Variants in KALRN observed in about 807,000 individuals in gnomAD.
The protein encoded by KALRN is kalirin RhoGEF kinase, also known as kalirin.
KALRN carries 70 observed loss-of-function variants against 353.7 expected under a neutral mutation model. That is an observed-to-expected ratio of 0.20 (90% CI 0.16 to 0.24). The LOEUF (loss-of-function observed/expected upper bound fraction) is 0.24. KALRN is among the 10% of genes least tolerant of loss of function. KALRN has a pLI of 1.00. For synonymous variants in KALRN, 1,391 were observed against 1,434.8 expected (o/e 0.97, Z 0.69); for missense variants, 2,791 against 3,756.7 (o/e 0.74, Z 6.72).
intron 36 of KALRN, among the ~76,000 whole-genome samples, chr3:124,636,364 A>ACC (rs2081351111): frequency 6.6e-6 from 1 of 152,144 alleles, no homozygotes; most frequent in African/African-American, 2.4e-5. Flanking sequence ...CAAACAAAAA[A>ACC]CCACCATCCT....
In KALRN at chr3:124,669,984, T is replaced by G. The variant is rs536508848; in HGVS notation, c.6704-1676T>G. Among the ~76,000 whole-genome samples the G allele has an allele frequency of 1.5e-3, 224 of 149,248 alleles. 1 individual carries two copies. The highest frequency in any genetic ancestry group is 5.7e-3 in the African/African-American group (223 of 39,000). Reference sequence around the variant, plus strand: ...TTTTCTTTTTTTTTTTTTTTTCTTTTTTTGAGACAGAGTCTCGCTCTGTCG... The same window carrying G: ...TTTTCTTTTTTTTTTTTTTTTCTTTGTTTGAGACAGAGTCTCGCTCTGTCG... On this transcript the variant is annotated intron_variant, in intron 47 of 59. Coordinates refer to ENST00000682506, the MANE Select transcript of KALRN (RefSeq NM_001388419.1).
intron 11 of KALRN, among the ~76,000 whole-genome samples, chr3:124,388,512 A>G (rs2088795453): frequency 6.6e-6 from 1 of 152,204 alleles, no homozygotes; most frequent in Non-Finnish European, 1.5e-5. Flanking sequence ...TGTGTCTGAT[A>G]CACAGAGGTG....
At chr3:124,149,336 A>G (rs1205187785) in intron 1 of KALRN, among the ~76,000 whole-genome samples, 9 of 152,190 alleles carry the variant, frequency 5.9e-5, no homozygotes, top group Admixed American at 1.3e-4. Flanking sequence ...CATTGAAACC[A>G]TTGCTACAAG....
In KALRN at chr3:124,462,525, C is replaced by T. The variant is rs760043740; in HGVS notation, c.3923C>T (p.Thr1308Ile). ...YVRDLHECLETYLWEMTSGVE... is the reference protein window; with the variant it reads ...YVRDLHECLEIYLWEMTSGVE... ...GATGAAACTGTTACTGTCTTACAGA[C>T]CTACCTGTGGGAAATGACCAGTGGT... The change falls in exon 25 of 60, where the codon ACC becomes ATC. Residue 1308 changes from threonine (T) to isoleucine (I), a missense_variant and splice_region_variant. By Grantham distance (89) the Thr-to-Ile change is moderately conservative. Transcript: ENST00000682506. 1.3e-6 allele frequency: 2 copies of T among 1,585,928 alleles called. No individual in the cohort carries two copies. Among genetic ancestry groups the T allele is most frequent in the Admixed American group, 3.3e-5 (2 of 59,936 alleles).
At chr3:124,613,498 C>T (rs1206619362) in intron 34 of KALRN, among the ~76,000 whole-genome samples, 1 of 152,196 alleles carries the variant, frequency 6.6e-6, no homozygotes, top group Non-Finnish European at 1.5e-5. Flanking sequence ...TGCCCAAAGG[C>T]AGGGGATGCT....
intron 1 of KALRN, among the ~76,000 whole-genome samples, chr3:124,047,153 CTCT>C (rs1298089102): frequency 6.6e-6 from 1 of 152,102 alleles, no homozygotes; most frequent in African/African-American, 2.4e-5. Context: ...TAAATATTCA[CTCT>C]TCTTTTAGAA....
At chr3:124,480,355 T>C (rs998566349) in intron 27 of KALRN, among the ~76,000 whole-genome samples, 1 of 152,200 alleles carries the variant, frequency 6.6e-6, no homozygotes, top group Non-Finnish European at 1.5e-5. Context: ...TGATAGGCAT[T>C]GGAATAATTT....
At chr3:124,125,714 A>G (rs551735841) in intron 1 of KALRN, among the ~76,000 whole-genome samples, 2 of 152,362 alleles carry the variant, frequency 1.3e-5, no homozygotes, top group East Asian at 1.9e-4. Flanking sequence ...GTGGCCCACA[A>G]AAAGTAAAAT....
chr3:124,136,919 G>A (rs2065987468), intron 1 of KALRN, among the ~76,000 whole-genome samples: 5 of 152,322 alleles, frequency 3.3e-5, no homozygotes, highest in African/African-American at 1.2e-4. Flanking sequence ...AAACAGGGCG[G>A]AGTGATGCCA....
At chr3:124,494,130 A>G (rs891717389) in intron 32 of KALRN, among the ~76,000 whole-genome samples, 2 of 152,216 alleles carry the variant, frequency 1.3e-5, no homozygotes, top group African/African-American at 4.8e-5. Flanking sequence ...GAGTTTGAGC[A>G]TTTCCAGAAC....
intron 3 of KALRN, among the ~76,000 whole-genome samples, chr3:124,250,388 G>A (rs1171097463): frequency 6.6e-6 from 1 of 152,152 alleles, no homozygotes; most frequent in Non-Finnish European, 1.5e-5. Context: ...ATGGTAGTAG[G>A]CCAAGCCTGG....
intron 45 of KALRN, among the ~76,000 whole-genome samples, chr3:124,662,898 G>T (rs527759589): frequency 6.6e-6 from 1 of 152,154 alleles, no homozygotes; most frequent in East Asian, 1.9e-4. Flanking sequence ...CTGTCTTTAT[G>T]TTCACATGGC....
At chr3:124,256,874 G>C (rs2072083895) in intron 3 of KALRN, among the ~76,000 whole-genome samples, 1 of 152,306 alleles carries the variant, frequency 6.6e-6, no homozygotes, top group South Asian at 2.1e-4. Flanking sequence ...GGGGAGCCAG[G>C]GAAAGCAAAT....
chr3:124,366,349 C>T (rs1297029658), intron 10 of KALRN, among the ~76,000 whole-genome samples: 5 of 146,728 alleles, frequency 3.4e-5, no homozygotes, highest in Non-Finnish European at 7.5e-5. Context: ...GAGGACCCTG[C>T]GGCCTTCCGC....
chr3:124,268,133 A>C (rs887338956), intron 4 of KALRN, among the ~76,000 whole-genome samples: 1 of 152,178 alleles, frequency 6.6e-6, no homozygotes, highest in African/African-American at 2.4e-5. Flanking sequence ...CTTCCTGGAG[A>C]CAAACATTCT....
chr3:124,260,846 TG>T (rs75252752), intron 3 of KALRN, among the ~76,000 whole-genome samples: 17,073 of 152,140 alleles, frequency 0.11, 1,602 homozygotes, highest in East Asian at 0.54. Flanking sequence ...TTTGCTTCTC[TG>T]ACTTTGTGGT....
chr3:124,189,249 C>A (rs1447229701), intron 1 of KALRN, among the ~76,000 whole-genome samples: 1 of 152,170 alleles, frequency 6.6e-6, no homozygotes, highest in Non-Finnish European at 1.5e-5. Context: ...TCACTATGTA[C>A]CACATGTTCC....
rs569678676 is a variant in KALRN, at chr3:124,459,516, G to C, written c.3855-2374G>C. 5.9e-5 allele frequency among the ~76,000 whole-genome samples: 9 copies of C among 152,306 alleles called. No homozygotes were observed. The East Asian group carries it at 1.2e-3, about 20-fold the overall frequency. On this transcript the variant is annotated intron_variant, in intron 23 of 59. Coordinates refer to ENST00000682506, the MANE Select transcript of KALRN (RefSeq NM_001388419.1). ...TCAGAAAAGTCCTGACTCCAGGTAG[G>C]CAAAACACATTTTTCTTCTTTGGTT...
At chr3:124,264,105 C>T (rs779619331) in intron 3 of KALRN, among the ~76,000 whole-genome samples, 2 of 150,786 alleles carry the variant, frequency 1.3e-5, no homozygotes, top group African/African-American at 2.4e-5. Flanking sequence ...TTCTACTTGC[C>T]GGGTGAGTAT....
Sources: allele counts gnomAD v4.1 joint callset (sites outside exome capture counted in the v4.1 genomes callset), GRCh38; gene constraint gnomAD v4.1.1; transcripts MANE v1.5; gene names NCBI Gene and HGNC (gene_info 2026-07-23, HGNC 2026-07-21).